The following CAND1 variants were observed in gnomAD, a reference collection of about 807,000 sequenced individuals.
The protein encoded by CAND1 is cullin associated and neddylation dissociated 1.
Under a neutral mutation model 108.5 loss-of-function variants are expected in CAND1, and 7 were observed. That is an observed-to-expected ratio of 0.06 (90% CI 0.04 to 0.12). The LOEUF is 0.12. Among genes scored for constraint, CAND1 ranks in the 10% least tolerant of loss-of-function variants. The pLI, the probability that CAND1 is intolerant of heterozygous loss-of-function variation, is 1.00. For synonymous variants in CAND1, 534 were observed against 512.0 expected (o/e 1.04, Z -0.58); for missense variants, 941 against 1,448.7 (o/e 0.65, Z 5.69).
rs181763537 is a variant in CAND1, at chr12:67,290,418, T to C, written c.213-2204T>C. 2.6e-5 allele frequency among the ~76,000 whole-genome samples: 4 copies of C among 151,814 alleles called. No homozygotes were observed. The East Asian group carries it at 7.8e-4, about 29-fold the overall frequency. On this transcript the variant is annotated intron_variant, in intron 2 of 14. Transcript: ENST00000545606. ...CCCAGCTACTTGGGAGGCTGAGGCA[T>C]GAGAATCACTTGAACCTCGGAGGCT...
At chr12:67,273,408 G>T (rs545092727) in intron 1 of CAND1, among the ~76,000 whole-genome samples, 1 of 151,932 alleles carries the variant, frequency 6.6e-6, no homozygotes, top group African/African-American at 2.4e-5. Context: ...TAATGTGGAT[G>T]AACCATGTGA....
chr12:67,282,126 T>TTACTACTTATCATAG, intron 2 of CAND1, 73 bp downstream of exon 2: 1 of 1,454,482 alleles, frequency 6.9e-7, no homozygotes, highest in Non-Finnish European at 9.5e-7. Context: ...CTATGATAAG[T>TTACTACTTATCATAG]AGTAAATTAT....
In CAND1 at chr12:67,309,986, G is replaced by A. The variant is rs2044931730; in HGVS notation, c.3111G>A (p.Lys1037=). The A allele has an allele frequency of 6.2e-7, 1 of 1,612,132 alleles. No individual in the cohort carries two copies. Among genetic ancestry groups the A allele is most frequent in the East Asian group, 2.2e-5 (1 of 44,792 alleles). Residue 1037 remains lysine, a synonymous_variant, in exon 12 of 15, where the codon AAG becomes AAA. Transcript: ENST00000545606. ...LVTFNSAAHN[K]PSLIRDLLDT... Reference sequence around the variant, plus strand: ...CATTTAATTCAGCAGCACATAACAAGCCATCATTAATAAGGGATCTATTGG... The same window carrying A: ...CATTTAATTCAGCAGCACATAACAAACCATCATTAATAAGGGATCTATTGG...
In CAND1 at chr12:67,272,334, TTTAA is replaced by T. The variant is rs1368102334; in HGVS notation, c.68+2552_68+2555del. ...GAACTGTAAGATCTTATGCAAGCTA[TTTAA>T]TTTGAGATTACATTTTCACTTCTGA... On this transcript the variant is annotated intron_variant, in intron 1 of 14. Transcript: ENST00000545606. 4.6e-5 allele frequency among the ~76,000 whole-genome samples: 7 copies of T among 152,344 alleles called. No individual in the cohort carries two copies. In the East Asian group the frequency reaches 1.3e-3, roughly 29 times the overall value.
chr12:67,308,958 C>G (rs1372380978), intron 11 of CAND1, among the ~76,000 whole-genome samples: 1 of 151,876 alleles, frequency 6.6e-6, no homozygotes, highest in Non-Finnish European at 1.5e-5. Flanking sequence ...TTTATCTCTC[C>G]TACATTTCCC....
rs540561661 is a variant in CAND1 at position 67,275,422 on chromosome 12, G to A, written c.68+5637G>A. 8.0e-5 allele frequency among the ~76,000 whole-genome samples: 12 copies of A among 149,098 alleles called. No homozygotes were observed. The East Asian group carries it at 1.9e-3, about 24-fold the overall frequency. ...CATACCTGTAATCCCAGCTACTCGC[G>A]AGGCTGAGGCAGCAGAATTGCTTGA... is the stretch of plus-strand genomic sequence containing the variant. On this transcript the variant is annotated intron_variant, in intron 1 of 14. Coordinates refer to ENST00000545606, the MANE Select transcript of CAND1 (RefSeq NM_018448.5).
chr12:67,275,826 T>G (rs1003217105), intron 1 of CAND1, among the ~76,000 whole-genome samples: 2 of 152,200 alleles, frequency 1.3e-5, no homozygotes, highest in African/African-American at 2.4e-5. Context: ...GTAGAGTTCC[T>G]TATGTTGGTG....
rs1374045564 is a variant in CAND1 at position 67,305,984 on chromosome 12, C to T, written c.2316C>T (p.Tyr772=). The change falls in exon 10 of 15, where the codon TAC becomes TAT. Residue 772 remains tyrosine (Y), a synonymous_variant. Transcript: ENST00000545606. This position sits in a 1 kb window ranked among gnomAD's most constrained non-coding sequence, Gnocchi z 4.4. ...TCACTGGAACAAATAATTTAGGATA[C>T]ATGGATTTGTTGCGCATGCTGACTG... ...LVVTGTNNLG[Y]MDLLRMLTGP... The T allele has an allele frequency of 2.5e-6, 4 of 1,614,154 alleles. No homozygotes were observed. The South Asian group carries it at 3.3e-5, about 13-fold the overall frequency.
chr12:67,298,987 A>G lies in CAND1; in HGVS notation c.892A>G (p.Ile298Val). 6.5e-7 allele frequency: 1 copy of G among 1,533,666 alleles called. No homozygotes were observed. The highest frequency in any genetic ancestry group is 9.0e-7 in the Non-Finnish European group (1 of 1,108,976). Residue 298 changes from isoleucine (I) to valine (V), a missense_variant, in exon 7 of 15, where the codon ATA (isoleucine) becomes GTA (valine). Ile to Val is a conservative substitution (Grantham distance 29). Transcript: ENST00000545606. The part of the protein sequence containing the change: ...KEVYPHVSTI[I>V]NICLKYLTYD... ...AGTATATCCTCATGTTTCTACCATTATAAATATTTGTCTTAAATATCTTAC... is the reference window on the plus strand; with the variant it reads ...AGTATATCCTCATGTTTCTACCATTGTAAATATTTGTCTTAAATATCTTAC...
intron 11 of CAND1, among the ~76,000 whole-genome samples, chr12:67,309,601 T>C (rs1309968895): frequency 3.3e-5 from 5 of 152,054 alleles, no homozygotes. Context: ...TGTCATATCT[T>C]ATATCTATAG....
intron 2 of CAND1, among the ~76,000 whole-genome samples, chr12:67,284,036 G>A (rs1275703438): frequency 6.6e-6 from 1 of 152,052 alleles, no homozygotes; most frequent in Non-Finnish European, 1.5e-5. Context: ...TTATTAAGCA[G>A]CCATATCAAA....
intron 2 of CAND1, among the ~76,000 whole-genome samples, chr12:67,282,724 G>A (rs1448122050): frequency 6.6e-6 from 1 of 152,118 alleles, no homozygotes; most frequent in African/African-American, 2.4e-5. Flanking sequence ...TCTTAATAAA[G>A]AATAGCAGCA....
In CAND1 at chr12:67,312,745, G is replaced by A; in HGVS notation, c.3608G>A (p.Ser1203Asn). ...PLMSEFQSQI[S>N]SNPELAAIFE... ...ATGAGTGAATTCCAGTCACAGATCA[G>A]TTCTAACCCTGAGCTGGCGGCTATC... The change falls in exon 15 of 15, where the codon AGT (serine) becomes AAT (asparagine). Residue 1203 changes from serine to asparagine, a missense_variant. Transcript: ENST00000545606. 6.2e-7 allele frequency: 1 copy of A among 1,613,894 alleles called. No individual in the cohort carries two copies. Among genetic ancestry groups the A allele is most frequent in the East Asian group, 2.2e-5 (1 of 44,874 alleles).
In CAND1 at chr12:67,287,024, T is replaced by C. The variant is rs548452275; in HGVS notation, c.212+4971T>C. ...CCATTCGTTTATTTGTCTATACTTA[T>C]ACCAGTACAACAGTTGCATTCATTG... is the stretch of plus-strand genomic sequence containing the variant. On this transcript the variant is annotated intron_variant, in intron 2 of 14. Transcript: ENST00000545606. Among the ~76,000 whole-genome samples, 475 of 152,368 alleles carry C rather than the reference T, an allele frequency of 3.1e-3. 4 individuals carry two copies. The highest frequency in any genetic ancestry group is 6.8e-3 in the Middle Eastern group (2 of 294).
At position 67,305,860 on chromosome 12, in the gene CAND1, G is replaced by C; in HGVS notation, c.2192G>C (p.Ser731Thr). The change falls in exon 10 of 15, where the codon AGT becomes ACT. Residue 731 changes from serine to threonine, a missense_variant. Coordinates refer to ENST00000545606, the MANE Select transcript of CAND1 (RefSeq NM_018448.5). The surrounding 1 kb of genome is among the most constrained non-coding windows in gnomAD (Gnocchi z 4.4). ...KVYPSSLSKI[S>T]GSILNELIGL... ...TATCCCTCCTCCCTTTCAAAGATAA[G>C]TGGATCCATTCTCAATGAACTTATT... 4 of 1,614,190 alleles carry C rather than the reference G, an allele frequency of 2.5e-6. No individual in the cohort carries two copies. The highest frequency in any genetic ancestry group is 2.5e-6 in the Non-Finnish European group (3 of 1,180,036).
rs747759581 is a variant in CAND1 at position 67,282,069 on chromosome 12, C to T, written c.212+16C>T. Reference sequence around the variant, plus strand: ...CTGTCAAATGGTAAGTTGTTTTTTACTGGTTGAGTCTTTCTTCCTGCTCCC... The same window carrying T: ...CTGTCAAATGGTAAGTTGTTTTTTATTGGTTGAGTCTTTCTTCCTGCTCCC... On this transcript the variant is annotated intron_variant, in intron 2 of 14. Coordinates refer to ENST00000545606, the MANE Select transcript of CAND1 (RefSeq NM_018448.5). 3 of 1,610,340 alleles carry T rather than the reference C, an allele frequency of 1.9e-6. No homozygotes were observed. The highest frequency in any genetic ancestry group is 2.5e-6 in the Non-Finnish European group (3 of 1,178,564).
intron 1 of CAND1, among the ~76,000 whole-genome samples, chr12:67,279,246 A>T (rs1801915228): frequency 6.6e-6 from 1 of 151,840 alleles, no homozygotes; most frequent in Admixed American, 6.6e-5. Flanking sequence ...ATCCTTTGAG[A>T]TCCAACCTAA....
intron 1 of CAND1, chr12:67,270,736 G>A (rs1187365351): frequency 7.1e-6 from 1 of 140,342 alleles, no homozygotes; most frequent in Admixed American, 7.5e-5. Context: ...ATTCTTTCCC[G>A]CCTCCCATCT....
chr12:67,287,115 G>A (rs1017645115), intron 2 of CAND1, among the ~76,000 whole-genome samples: 1 of 152,074 alleles, frequency 6.6e-6, no homozygotes, highest in Non-Finnish European at 1.5e-5. Flanking sequence ...TTTGTTGTTG[G>A]GAGCTGTGTA....
Sources: allele counts gnomAD v4.1 joint callset (sites outside exome capture counted in the v4.1 genomes callset), GRCh38; gene constraint gnomAD v4.1.1; non-coding constraint Gnocchi (gnomAD v3.1); transcripts MANE v1.5; gene names NCBI Gene and HGNC (gene_info 2026-07-23, HGNC 2026-07-21).